The following PAK5 variants were observed in gnomAD, a reference collection of about 807,000 sequenced individuals.
The protein encoded by PAK5 is serine/threonine-protein kinase PAK 5.
A neutral mutation model predicts 65.9 loss-of-function variants in PAK5; 16 were observed. The ratio of observed to expected loss-of-function variants is 0.24; its 90% CI spans 0.16 to 0.37. The LOEUF (loss-of-function observed/expected upper bound fraction) is 0.37. Among genes scored for constraint, PAK5 ranks in the 10% least tolerant of loss-of-function variants. The probability of loss-of-function intolerance (pLI) is 1.00; values close to 1 mark genes in which losing one functional copy is unlikely to be tolerated. For missense variants in PAK5, 785 were observed against 903.9 expected, an observed-to-expected ratio of 0.87 and a Z score of 1.69; for synonymous variants, 371 against 354.9, an observed-to-expected ratio of 1.05 and a Z score of -0.51.
intron 2 of PAK5, among the ~76,000 whole-genome samples, chr20:9,683,929 G>GA (rs1306079373): frequency 6.6e-6 from 1 of 152,116 alleles, no homozygotes; most frequent in Non-Finnish European, 1.5e-5. Flanking sequence ...GAATGGTCCA[G>GA]AAAATTCCCC....
chr20:9,797,731 G>A (rs1249774236), intron 1 of PAK5, among the ~76,000 whole-genome samples: 1 of 147,654 alleles, frequency 6.8e-6, no homozygotes, highest in Non-Finnish European at 1.5e-5. Flanking sequence ...GAGAGGAGAT[G>A]AACTGACTTA....
intron 7 of PAK5, among the ~76,000 whole-genome samples, chr20:9,545,651 A>G (rs1017890172): frequency 1.4e-4 from 21 of 151,868 alleles, no homozygotes; most frequent in African/African-American, 5.1e-4. Flanking sequence ...TTCCTCTCTC[A>G]CATCTTCTCT....
intron 3 of PAK5, among the ~76,000 whole-genome samples, chr20:9,590,337 T>G (rs1259009215): frequency 6.6e-6 from 1 of 152,176 alleles, no homozygotes; most frequent in Non-Finnish European, 1.5e-5. Context: ...TTACTTGTAT[T>G]GAGCAGAACT....
intron 1 of PAK5, among the ~76,000 whole-genome samples, chr20:9,780,234 T>G (rs2048927958): frequency 6.6e-6 from 1 of 150,594 alleles, no homozygotes; most frequent in Non-Finnish European, 1.5e-5. Flanking sequence ...TTTATTTCTG[T>G]GAAAGACTAA....
At chr20:9,806,398 C>T (rs1335488010) in intron 1 of PAK5, among the ~76,000 whole-genome samples, 6 of 152,150 alleles carry the variant, frequency 3.9e-5, no homozygotes, top group African/African-American at 1.4e-4. Context: ...CTTTTTCTTT[C>T]AAGACACAAG....
intron 1 of PAK5, among the ~76,000 whole-genome samples, chr20:9,743,952 C>A (rs936947684): frequency 1.3e-5 from 2 of 152,126 alleles, no homozygotes; most frequent in Non-Finnish European, 2.9e-5. Context: ...TCATATATAT[C>A]CTTACAACAG....
In PAK5 at chr20:9,644,305, C is replaced by A. The variant is rs764122690; in HGVS notation, c.24G>T (p.Lys8Asn). 6.5e-5 allele frequency: 105 copies of A among 1,609,434 alleles called. No individual in the cohort carries two copies. The South Asian group carries it at 7.0e-4, about 11-fold the overall frequency. Reference sequence around the variant, plus strand: ...AGTTGGACGGGCCAGATATTTCAATCTTTTTCTTTTTCTTCCCAAACATGA... The same window carrying A: ...AGTTGGACGGGCCAGATATTTCAATATTTTTCTTTTTCTTCCCAAACATGA... MFGKKKKKIEISGPSNFE... is the reference protein window; with the variant it reads MFGKKKKNIEISGPSNFE... Residue 8 changes from lysine to asparagine, a missense_variant, in exon 3 of 10, where the codon AAG becomes AAT. Transcript: ENST00000353224.
In PAK5 at chr20:9,659,478, A is replaced by G. The variant is rs548311314; in HGVS notation, c.-11-15139T>C. 2.6e-5 allele frequency among the ~76,000 whole-genome samples: 4 copies of G among 152,298 alleles called. No individual in the cohort carries two copies. The South Asian group carries it at 6.2e-4, about 24-fold the overall frequency. On this transcript the variant is annotated intron_variant, in intron 2 of 9. Transcript: ENST00000353224. ...TTATTTCCAAAAATAAGTTACTGCT[A>G]CCACTTGTCTGAAAACCTCAGAGCT...
intron 3 of PAK5, among the ~76,000 whole-genome samples, chr20:9,598,229 G>A (rs2046304826): frequency 6.6e-6 from 1 of 152,172 alleles, no homozygotes; most frequent in African/African-American, 2.4e-5. Context: ...GTGTTCCTGT[G>A]TTAGTTTGCT....
At chr20:9,690,615 T>C (rs1466007478) in intron 2 of PAK5, among the ~76,000 whole-genome samples, 2 of 151,998 alleles carry the variant, frequency 1.3e-5, no homozygotes, top group Non-Finnish European at 2.9e-5. Flanking sequence ...TTGATACCAC[T>C]GCCAGCCCCT....
chr20:9,593,161 G>A (rs2123070803), intron 3 of PAK5, among the ~76,000 whole-genome samples: 1 of 152,064 alleles, frequency 6.6e-6, no homozygotes, highest in South Asian at 2.1e-4. Context: ...AAAAATAGCT[G>A]GGCATGGTGG....
intron 2 of PAK5, among the ~76,000 whole-genome samples, chr20:9,691,121 G>A (rs895035225): frequency 1.3e-5 from 2 of 152,118 alleles, no homozygotes; most frequent in African/African-American, 2.4e-5. Context: ...GGGCATATAG[G>A]CAGGGCAACA....
intron 1 of PAK5, among the ~76,000 whole-genome samples, chr20:9,721,313 G>T (rs2048210102): frequency 6.6e-6 from 1 of 151,962 alleles, no homozygotes; most frequent in African/African-American, 2.4e-5. Context: ...GATATTCCTA[G>T]CATGCTGGAG....
intron 1 of PAK5, among the ~76,000 whole-genome samples, chr20:9,772,400 G>T (rs1274013686): frequency 6.6e-6 from 1 of 152,216 alleles, no homozygotes; most frequent in African/African-American, 2.4e-5. Context: ...CCAAGAAAGA[G>T]GGTTTTGCAG....
chr20:9,550,671 C>A (rs1027211463), intron 7 of PAK5, among the ~76,000 whole-genome samples: 6 of 151,622 alleles, frequency 4.0e-5, no homozygotes, highest in South Asian at 2.1e-4. Flanking sequence ...AAGAATCTAG[C>A]CAGTAGGACT....
chr20:9,765,330 C>A, intron 1 of PAK5, among the ~76,000 whole-genome samples: 1 of 152,068 alleles, frequency 6.6e-6, no homozygotes, highest in East Asian at 1.9e-4. Context: ...TTATAATAAT[C>A]ATCTTTGGGT....
chr20:9,707,133 C>CT (rs1196727030), intron 2 of PAK5, among the ~76,000 whole-genome samples: 1 of 151,640 alleles, frequency 6.6e-6, no homozygotes, highest in East Asian at 1.9e-4. Context: ...TCTTTTCTTT[C>CT]TTTTTTCTTT....
At chr20:9,546,615 C>T (rs1039854489) in intron 7 of PAK5, among the ~76,000 whole-genome samples, 16 of 151,948 alleles carry the variant, frequency 1.1e-4, no homozygotes, top group African/African-American at 3.9e-4. Context: ...TACAGGAGAC[C>T]GAAGAGAAAG....
intron 2 of PAK5, among the ~76,000 whole-genome samples, chr20:9,706,678 T>G (rs1027809119): frequency 2.6e-5 from 4 of 151,340 alleles, no homozygotes; most frequent in African/African-American, 9.7e-5. Context: ...TTTGCTGTTG[T>G]TGTTTGTTTT....
Sources: gnomAD v4.1 joint callset for allele counts (sites outside exome capture counted in the v4.1 genomes callset) on GRCh38, gnomAD v4.1.1 for gene constraint, MANE v1.5 for transcripts, NCBI Gene and HGNC (gene_info 2026-07-23, HGNC 2026-07-21) for gene names.